The following SYNGR1 variants were observed in gnomAD, a reference collection of about 807,000 sequenced individuals.
The protein encoded by SYNGR1 is synaptogyrin-1.
SYNGR1 carries 14 observed loss-of-function variants against 26.1 expected under a neutral mutation model. The ratio of observed to expected loss-of-function variants is 0.54; its 90% CI spans 0.35 to 0.84. SYNGR1 has a LOEUF of 0.84. SYNGR1 is among the 40% of genes least tolerant of loss of function. The probability of loss-of-function intolerance (pLI) is 0.01; values close to 1 mark genes in which losing one functional copy is unlikely to be tolerated. For synonymous variants in SYNGR1, 141 were observed against 150.1 expected (o/e 0.94, Z 0.44); for missense variants, 319 against 332.9 (o/e 0.96, Z 0.33).
rs1043215564 is a variant in SYNGR1, at chr22:39,378,353, C to T, written c.483+2156C>T. On this transcript the variant is annotated intron_variant, in intron 3 of 3. Transcript: ENST00000328933. Reference sequence around the variant, plus strand: ...GCCCAGGGCTTAGCACAAGCATGCTCAATAAATGTAAGCTCTTTTGTTCAT... The same window carrying T: ...GCCCAGGGCTTAGCACAAGCATGCTTAATAAATGTAAGCTCTTTTGTTCAT... The T allele has an allele frequency of 8.2e-6, 8 of 973,076 alleles. No individual in the cohort carries two copies. The African/African-American group carries it at 1.4e-4, about 18-fold the overall frequency. 60.3% of individuals were successfully genotyped at this position (973,076 alleles called of 1,614,324 possible). A position where few individuals can be genotyped will look rare whatever the true frequency, so the allele number is the denominator to read the frequency against.
At position 39,384,466 on chromosome 22, in the gene SYNGR1, C is replaced by T; in HGVS notation, c.*2552C>T. ...CCCTTCCAGGCATGATCTTCCCCAT[C>T]AGGCTGGGCTCTGGCAGGGACCTGC... On this transcript the variant is annotated 3_prime_UTR_variant, in exon 4 of 4. Transcript: ENST00000328933. 1 of 398,654 alleles carries T rather than the reference C, an allele frequency of 2.5e-6. No homozygotes were observed. Among genetic ancestry groups the T allele is most frequent in the Non-Finnish European group, 4.4e-6 (1 of 226,096 alleles). 24.7% of individuals were successfully genotyped at this position (398,654 alleles called of 1,614,324 possible). A position where few individuals can be genotyped will look rare whatever the true frequency, so the allele number is the denominator to read the frequency against.
intron 1 of SYNGR1, among the ~76,000 whole-genome samples, chr22:39,365,118 C>T (rs1420861725): frequency 1.3e-5 from 2 of 152,206 alleles, no homozygotes; most frequent in South Asian, 4.2e-4. Context: ...TCTGGCTCTG[C>T]CTCTGAAGAC....
At chr22:39,361,944 C>T (rs1302993683) in intron 1 of SYNGR1, among the ~76,000 whole-genome samples, 1 of 151,606 alleles carries the variant, frequency 6.6e-6, no homozygotes, top group Non-Finnish European at 1.5e-5. Flanking sequence ...CCAGATACTT[C>T]TGCCACTGAG....
At chr22:39,352,788 G>A (rs889217988) in intron 1 of SYNGR1, among the ~76,000 whole-genome samples, 11 of 152,178 alleles carry the variant, frequency 7.2e-5, no homozygotes, top group African/African-American at 2.7e-4. Flanking sequence ...ACCCTGTCCA[G>A]GACTCCTGGA....
intron 1 of SYNGR1, among the ~76,000 whole-genome samples, chr22:39,367,546 C>T (rs968191819): frequency 4.6e-5 from 7 of 152,204 alleles, no homozygotes; most frequent in South Asian, 2.1e-4. Flanking sequence ...TTGTAGACCG[C>T]GCGAGGTGGC....
intron 1 of SYNGR1, chr22:39,364,267 GT>G (rs2145617043): frequency 1.2e-6 from 2 of 1,614,102 alleles, no homozygotes; most frequent in East Asian, 4.5e-5. Flanking sequence ...GAGGTCGTGG[GT>G]GAGCTGGAGG....
At chr22:39,377,176 C>G in intron 3 of SYNGR1, 1 of 1,461,854 alleles carries the variant, frequency 6.8e-7, no homozygotes, top group East Asian at 2.5e-5. Flanking sequence ...TTCCCCCATC[C>G]TTCTGGTTTG....
intron 1 of SYNGR1, among the ~76,000 whole-genome samples, chr22:39,352,688 C>A (rs1289300313): frequency 1.3e-5 from 2 of 152,160 alleles, no homozygotes; most frequent in Admixed American, 1.3e-4. Flanking sequence ...GCTCCAGGAC[C>A]AGGGTGACCC....
At position 39,381,879 on chromosome 22, in the gene SYNGR1, A is replaced by G. The variant is rs994704649; in HGVS notation, c.667A>G (p.Thr223Ala). 16 of 1,612,570 alleles carry G rather than the reference A, an allele frequency of 9.9e-6. No homozygotes were observed. The highest frequency in any genetic ancestry group is 1.7e-4 in the Middle Eastern group (1 of 6,060). Residue 223 changes from threonine (T) to alanine (A), a missense_variant, in exon 4 of 4, where the codon ACC becomes GCC. Physicochemically the swap from Thr to Ala is moderately conservative, Grantham distance 58. Transcript: ENST00000328933. ...TYQQPANTFD[T>A]EPQGYQSQGY ...CCAGCAGCCGGCCAACACCTTCGAC[A>G]CCGAGCCCCAGGGCTACCAGTCGCA...
At position 39,350,097 on chromosome 22, in the gene SYNGR1, C is replaced by A; in HGVS notation, c.87C>A (p.Arg29=). The A allele has an allele frequency of 6.8e-7, 1 of 1,469,700 alleles. No individual in the cohort carries two copies. The highest frequency in any genetic ancestry group is 2.0e-5 in the Admixed American group (1 of 49,344). The allele number at this position is 1,469,700 out of a possible 1,614,324, so 91.0% of individuals were successfully genotyped here. ...TCCGGCAGCCGCACACCATCCTGCG[C>A]GTCGTGTCTTGGGTAAGGACGGACT... The part of the protein sequence containing the change: ...TLVRQPHTIL[R]VVSWLFSIVV... The change falls in exon 1 of 4, where the codon CGC becomes CGA. Residue 29 remains arginine, a synonymous_variant. Coordinates refer to ENST00000328933, the MANE Select transcript of SYNGR1 (RefSeq NM_004711.5). This position sits in a 1 kb window ranked among gnomAD's most constrained non-coding sequence, Gnocchi z 4.3.
chr22:39,381,940 C>G lies in SYNGR1; in HGVS notation c.*26C>G, dbSNP rs776957184. The G allele has an allele frequency of 1.2e-5, 19 of 1,574,662 alleles. No homozygotes were observed. Among genetic ancestry groups the G allele is most frequent in the Non-Finnish European group, 1.5e-5 (18 of 1,161,450 alleles). On this transcript the variant is annotated 3_prime_UTR_variant, in exon 4 of 4. Coordinates refer to ENST00000328933, the MANE Select transcript of SYNGR1 (RefSeq NM_004711.5). The stretch of plus-strand genomic sequence containing the variant: ...GCCACAGTGACCGCCTGCCCCCGCC[C>G]CTCCCCATCTGTCCCCTCTCTCCAC...
At chr22:39,351,932 G>C (rs1923924659) in intron 1 of SYNGR1, among the ~76,000 whole-genome samples, 1 of 152,224 alleles carries the variant, frequency 6.6e-6, no homozygotes, top group South Asian at 2.1e-4. Context: ...TGCACATCCA[G>C]GGGAGAGGAC....
At chr22:39,356,719 T>G (rs1601649988) in intron 1 of SYNGR1, among the ~76,000 whole-genome samples, 1 of 152,046 alleles carries the variant, frequency 6.6e-6, no homozygotes, top group Non-Finnish European at 1.5e-5. Context: ...GGAGGCAGGG[T>G]AGGCGCAGAG....
chr22:39,364,539 C>CA (rs1294703967), intron 1 of SYNGR1, among the ~76,000 whole-genome samples: 11 of 152,118 alleles, frequency 7.2e-5, no homozygotes, highest in South Asian at 2.1e-4. Flanking sequence ...CAGGAGTGAC[C>CA]AAGGCTCAGG....
chr22:39,365,728 T>C (rs182077899), intron 1 of SYNGR1, among the ~76,000 whole-genome samples: 1 of 152,284 alleles, frequency 6.6e-6, no homozygotes, highest in African/African-American at 2.4e-5. Flanking sequence ...TCCCCACTTG[T>C]GGACCAGCAG....
intron 3 of SYNGR1, among the ~76,000 whole-genome samples, chr22:39,380,393 G>C (rs898059023): frequency 1.3e-5 from 2 of 152,024 alleles, no homozygotes; most frequent in African/African-American, 4.8e-5. Flanking sequence ...AGAGGTCTTC[G>C]GTGACCCAGG....
intron 1 of SYNGR1, among the ~76,000 whole-genome samples, chr22:39,369,848 G>A (rs1377839853): frequency 2.6e-5 from 4 of 152,318 alleles, no homozygotes; most frequent in Admixed American, 1.3e-4. Context: ...GGTGGCTCAC[G>A]GGCCACCACT....
intron 1 of SYNGR1, among the ~76,000 whole-genome samples, chr22:39,370,564 G>A (rs199680621): frequency 3.5e-3 from 527 of 151,834 alleles, no homozygotes; most frequent in African/African-American, 0.012. Context: ...TTCATCTGCT[G>A]TGCACATTTA....
At chr22:39,371,918 G>C (rs188551221) in intron 1 of SYNGR1, among the ~76,000 whole-genome samples, 70 of 152,260 alleles carry the variant, frequency 4.6e-4, no homozygotes, top group African/African-American at 1.7e-3. Context: ...GATGGTGCAG[G>C]ATGTATTGGC....
Sources: gnomAD v4.1 joint callset for allele counts (sites outside exome capture counted in the v4.1 genomes callset) on GRCh38, gnomAD v4.1.1 for gene constraint, Gnocchi (gnomAD v3.1) non-coding constraint, MANE v1.5 for transcripts, NCBI Gene and HGNC (gene_info 2026-07-23, HGNC 2026-07-21) for gene names.